Variants in CAPN5 observed in about 807,000 individuals in gnomAD.
CAPN5 encodes the protein calpain 5.
A neutral mutation model predicts 73.0 loss-of-function variants in CAPN5; 54 were observed. That is an observed-to-expected ratio of 0.74 (90% CI 0.59 to 0.93). CAPN5 has a LOEUF of 0.93. Ranked by LOEUF, CAPN5 falls within the 40% of genes least tolerant of loss-of-function variation. The pLI is 0.00. For synonymous variants in CAPN5, 335 were observed against 356.9 expected, an observed-to-expected ratio of 0.94 and a Z score of 0.69; for missense variants, 785 against 882.9, an observed-to-expected ratio of 0.89 and a Z score of 1.41.
At chr11:77,120,572 G>C in intron 9 of CAPN5, 141 bp from the exon 10 acceptor site, 1 of 596,978 alleles carries the variant, frequency 1.7e-6, no homozygotes, top group South Asian at 2.5e-5. Flanking sequence ...ATCCGCTTCT[G>C]TTATTATAGA....
rs1555040924 is a variant in CAPN5 at position 77,112,607 on chromosome 11, G to C, written c.316G>C (p.Glu106Gln). 6.2e-7 allele frequency: 1 copy of C among 1,613,966 alleles called. No individual in the cohort carries two copies. Among genetic ancestry groups the C allele is most frequent in the Non-Finnish European group, 8.5e-7 (1 of 1,179,996 alleles). The change falls in exon 4 of 13, where the codon GAG becomes CAG. Residue 106 changes from glutamate (E) to glutamine (Q), a missense_variant. Physicochemically the swap from Glu to Gln is conservative, Grantham distance 29. Transcript: ENST00000648180. The part of the protein sequence containing the change: ...LWQKVIPDWK[E>Q]QEWDPEKPNA... ...TACCCAGGTCATCCCAGACTGGAAG[G>C]AGCAGGAATGGGACCCCGAAAAGCC... is the stretch of plus-strand genomic sequence containing the variant.
chr11:77,088,062 G>T lies in CAPN5; in HGVS notation c.165+3011G>T, dbSNP rs528234744. The T allele has an allele frequency of 1.7e-4, 253 of 1,531,000 alleles. 2 individuals are homozygous for T. In the South Asian group the frequency reaches 2.9e-3, roughly 18 times the overall value. 94.8% of individuals were successfully genotyped at this position (1,531,000 alleles called of 1,614,324 possible). Reference sequence around the variant, plus strand: ...CTCCTCGCTCAGGGCCCGGGACCTGGTAGGCGGCCTCCTGTCACCCTGTGG... The same window carrying T: ...CTCCTCGCTCAGGGCCCGGGACCTGTTAGGCGGCCTCCTGTCACCCTGTGG... On this transcript the variant is annotated intron_variant, in intron 2 of 12. Transcript: ENST00000648180.
intron 2 of CAPN5, among the ~76,000 whole-genome samples, chr11:77,086,066 C>A (rs1555035459): frequency 6.6e-6 from 1 of 152,176 alleles, no homozygotes; most frequent in East Asian, 1.9e-4. Flanking sequence ...CAGGTGGGAG[C>A]CCCTCAGGCT....
chr11:77,102,558 A>G (rs1439976851), intron 3 of CAPN5, among the ~76,000 whole-genome samples: 1 of 152,230 alleles, frequency 6.6e-6, no homozygotes. Flanking sequence ...AGCAATTGAC[A>G]TCAGCGACCT....
Position 77,124,032 on chromosome 11 carries a change from T to C in CAPN5, c.*162T>C. ...GTCTCTGCCCCTCTCTCAGCCTCAG[T>C]GTCCCGAGGGCCCCGAAGCATTCCA... is the stretch of plus-strand genomic sequence containing the variant. On this transcript the variant is annotated 3_prime_UTR_variant, in exon 13 of 13. Coordinates refer to ENST00000648180, the MANE Select transcript of CAPN5 (RefSeq NM_004055.5). 1.5e-6 allele frequency: 1 copy of C among 665,022 alleles called. No homozygotes were observed. The highest frequency in any genetic ancestry group is 2.5e-6 in the Non-Finnish European group (1 of 396,274). 41.2% of individuals were successfully genotyped at this position (665,022 alleles called of 1,614,324 possible).
chr11:77,077,469 T>TA (rs1555034065), intron 1 of CAPN5, among the ~76,000 whole-genome samples: 1 of 152,182 alleles, frequency 6.6e-6, no homozygotes, highest in East Asian at 1.9e-4. Context: ...TGGGAGGTGG[T>TA]ATCTCATTGT....
intron 5 of CAPN5, among the ~76,000 whole-genome samples, chr11:77,114,892 C>A (rs1336639476): frequency 2.6e-5 from 4 of 152,130 alleles, no homozygotes; most frequent in African/African-American, 9.7e-5. Context: ...CCACATTTAA[C>A]AACCAGCTAT....
Position 77,118,111 on chromosome 11 carries a change from G to A in CAPN5, c.972-46G>A, listed in dbSNP as rs782503375. 1.2e-5 allele frequency: 18 copies of A among 1,548,970 alleles called. No individual in the cohort carries two copies. The East Asian group carries it at 3.6e-4, about 31-fold the overall frequency. Reference sequence around the variant, plus strand: ...GTTGGGCTGGGGGGCCAAGAGCCTGGGGAGGTGTGGGGGAGGTACCCTGCT... The same window carrying A: ...GTTGGGCTGGGGGGCCAAGAGCCTGAGGAGGTGTGGGGGAGGTACCCTGCT... On this transcript the variant is annotated intron_variant, in intron 7 of 12. Transcript: ENST00000648180.
intron 3 of CAPN5, among the ~76,000 whole-genome samples, chr11:77,098,384 C>T (rs1950238968): frequency 8.5e-6 from 1 of 117,132 alleles, no homozygotes; most frequent in Admixed American, 7.9e-5. Context: ...GGCTGACCCC[C>T]CCACCTCCCT....
At chr11:77,089,577 A>G (rs1434570093) in intron 2 of CAPN5, among the ~76,000 whole-genome samples, 1 of 152,174 alleles carries the variant, frequency 6.6e-6, no homozygotes, top group Admixed American at 6.5e-5. Flanking sequence ...TCTCATTGCT[A>G]TCTAGTGAGA....
At chr11:77,094,936 G>T (rs1280680290) in intron 3 of CAPN5, among the ~76,000 whole-genome samples, 1 of 152,210 alleles carries the variant, frequency 6.6e-6, no homozygotes, top group East Asian at 1.9e-4. Flanking sequence ...CCATCAGAGG[G>T]AGCAGTGCCC....
intron 3 of CAPN5, chr11:77,103,039 G>C: frequency 6.2e-7 from 1 of 1,613,604 alleles, no homozygotes; most frequent in Non-Finnish European, 8.5e-7. Flanking sequence ...CAGTTCGAGC[G>C]CTGGAATGTC....
chr11:77,111,507 G>A (rs564282270), intron 3 of CAPN5, among the ~76,000 whole-genome samples: 2 of 152,286 alleles, frequency 1.3e-5, no homozygotes, highest in South Asian at 2.1e-4. Context: ...ATTAAATGGA[G>A]ATAAGTCATG....
At chr11:77,075,963 A>C (rs1555033858) in intron 1 of CAPN5, among the ~76,000 whole-genome samples, 2 of 152,238 alleles carry the variant, frequency 1.3e-5, no homozygotes, top group African/African-American at 4.8e-5. Flanking sequence ...TATGTTTATC[A>C]TGTACAATGT....
At chr11:77,117,074 CA>C (rs1229401075) in intron 7 of CAPN5, among the ~76,000 whole-genome samples, 2 of 151,926 alleles carry the variant, frequency 1.3e-5, no homozygotes, top group Non-Finnish European at 2.9e-5. Context: ...CCCATCTCTA[CA>C]AAAATGAAAA....
At chr11:77,097,158 C>T (rs2135442630) in intron 3 of CAPN5, among the ~76,000 whole-genome samples, 2 of 152,064 alleles carry the variant, frequency 1.3e-5, no homozygotes, top group Non-Finnish European at 2.9e-5. Flanking sequence ...GGAGGTGGAG[C>T]TTGCAGTGAG....
chr11:77,109,581 C>T (rs1005979795), intron 3 of CAPN5, among the ~76,000 whole-genome samples: 4 of 152,172 alleles, frequency 2.6e-5, no homozygotes, highest in Non-Finnish European at 5.9e-5. Flanking sequence ...TTTGACATGG[C>T]CCCGGGAGTC....
intron 9 of CAPN5, chr11:77,120,053 T>G (rs1308396393): frequency 1.3e-5 from 2 of 152,194 alleles, no homozygotes; most frequent in Non-Finnish European, 2.9e-5. Flanking sequence ...CTATTTTTTT[T>G]GTTTGTTTGT....
chr11:77,122,762 T>TC (rs1555043140), intron 12 of CAPN5, 50 bp downstream of exon 12: 1 of 1,606,280 alleles, frequency 6.2e-7, no homozygotes, highest in South Asian at 1.1e-5. Flanking sequence ...GCCTGAGGCT[T>TC]CCCCACTCAG....
Sources: gnomAD v4.1 joint callset for allele counts (sites outside exome capture counted in the v4.1 genomes callset) on GRCh38, gnomAD v4.1.1 for gene constraint, MANE v1.5 for transcripts, NCBI Gene and HGNC (gene_info 2026-07-23, HGNC 2026-07-21) for gene names.